Variants in SULT6B1 observed in about 807,000 individuals in gnomAD.
SULT6B1 encodes the protein sulfotransferase family 6B member 1, also known as sulfotransferase 6B1.
In SULT6B1, 44 loss-of-function variants were observed where a neutral mutation model predicts 37.2. The observed-to-expected ratio is 1.18, with a 90% CI of 0.93 to 1.52. The LOEUF (loss-of-function observed/expected upper bound fraction) is 1.52. Among genes scored for constraint, SULT6B1 ranks in the 40% most tolerant of loss-of-function variants. The probability of loss-of-function intolerance (pLI) is 0.00; values close to 1 mark genes in which losing one functional copy is unlikely to be tolerated. For missense variants in SULT6B1, 450 were observed against 361.0 expected, an observed-to-expected ratio of 1.25 and a Z score of -2.00; for synonymous variants, 140 against 126.0, an observed-to-expected ratio of 1.11 and a Z score of -0.74.
intron 6 of SULT6B1, 88 bp from the exon 7 acceptor site, chr2:37,168,153 A>G: frequency 7.8e-7 from 1 of 1,286,940 alleles, no homozygotes; most frequent in South Asian, 1.6e-5. Context: ...TTTCACTCTG[A>G]TATGTTAAAA....
intron 5 of SULT6B1, among the ~76,000 whole-genome samples, chr2:37,174,349 CT>C (rs1159860560): frequency 6.8e-6 from 1 of 147,412 alleles, no homozygotes; most frequent in South Asian, 2.1e-4. Flanking sequence ...ATCCTCCTGT[CT>C]CAGCTTCCTG....
At chr2:37,192,716 AGTT>A (rs953096750), upstream of SULT6B1, among the ~76,000 whole-genome samples, 3 of 152,220 alleles carry the variant, frequency 2.0e-5, no homozygotes, top group African/African-American at 7.2e-5. Flanking sequence ...ATTCAAACAT[AGTT>A]GTTGTTTGCT....
intron 5 of SULT6B1, among the ~76,000 whole-genome samples, chr2:37,173,087 A>G (rs1387826653): frequency 6.6e-6 from 1 of 151,756 alleles, no homozygotes; most frequent in Non-Finnish European, 1.5e-5. Context: ...TCCCGACCTC[A>G]GGTGATCCAC....
chr2:37,194,945 CTT>C, intron 1 of SULT6B1, among the ~76,000 whole-genome samples: 1 of 62,122 alleles, frequency 1.6e-5, no homozygotes, highest in Non-Finnish European at 2.8e-5. Context: ...TCCTTCCTTC[CTT>C]CCTTCCTTCC....
At chr2:37,182,964 C>G (rs912149389) in intron 3 of SULT6B1, among the ~76,000 whole-genome samples, 1 of 152,116 alleles carries the variant, frequency 6.6e-6, no homozygotes, top group Admixed American at 6.5e-5. Flanking sequence ...GCAGAAGGAT[C>G]TCTTGAAGTC....
intron 3 of SULT6B1, 108 bp from the exon 4 acceptor site, chr2:37,179,692 T>C: frequency 1.0e-6 from 1 of 979,584 alleles, no homozygotes. Flanking sequence ...CATAATTGTG[T>C]TAATATATAG....
intron 6 of SULT6B1, among the ~76,000 whole-genome samples, chr2:37,171,155 G>C (rs536448340): frequency 1.3e-4 from 20 of 151,598 alleles, no homozygotes; most frequent in African/African-American, 4.6e-4. Flanking sequence ...CAGGAGAATC[G>C]CTTGAACCCA....
intron 5 of SULT6B1, among the ~76,000 whole-genome samples, chr2:37,174,855 AT>A (rs549071862): frequency 1.5e-4 from 23 of 151,592 alleles, no homozygotes; most frequent in South Asian, 4.2e-4. Flanking sequence ...AGACCTACCT[AT>A]TTTTTTTTAT....
intron 2 of SULT6B1, among the ~76,000 whole-genome samples, chr2:37,186,900 A>G (rs1676685975): frequency 6.6e-6 from 1 of 152,204 alleles, no homozygotes; most frequent in African/African-American, 2.4e-5. Flanking sequence ...CATTTCAAAT[A>G]GAAATCATGG....
At chr2:37,181,678 A>G (rs1676553796) in intron 3 of SULT6B1, among the ~76,000 whole-genome samples, 1 of 152,134 alleles carries the variant, frequency 6.6e-6, no homozygotes, top group African/African-American at 2.4e-5. Context: ...CACTGCATCC[A>G]GCCCCTGTTG....
chr2:37,190,329 T>C (rs572894850), upstream of SULT6B1, among the ~76,000 whole-genome samples: 1 of 152,376 alleles, frequency 6.6e-6, no homozygotes, highest in Admixed American at 6.5e-5. Flanking sequence ...TCACTGTATT[T>C]ACCTTTCTCT....
In SULT6B1 at chr2:37,179,516, G is replaced by A. The variant is rs377078074; in HGVS notation, c.471C>T (p.Pro157=). 1.9e-5 allele frequency: 31 copies of A among 1,613,858 alleles called. No homozygotes were observed. Among genetic ancestry groups the A allele is most frequent in the East Asian group, 8.9e-5 (4 of 44,858 alleles). Residue 157 remains proline, a synonymous_variant, in exon 4 of 7, where the codon CCC becomes CCT. Transcript: ENST00000535679. Reference sequence around the variant, plus strand: ...CCCAAGAGCCATAGCTTGGAATATCGGGGACATCGTTGTGGAAATGCAAAA... The same window carrying A: ...CCCAAGAGCCATAGCTTGGAATATCAGGGACATCGTTGTGGAAATGCAAAA... The part of the protein sequence containing the change: ...VSFLHFHNDV[P]DIPSYGSWDE...
intron 4 of SULT6B1, among the ~76,000 whole-genome samples, chr2:37,178,250 T>G (rs7601827): frequency 0.28 from 43,275 of 151,970 alleles, 6,843 homozygotes; most frequent in Non-Finnish European, 0.35. Context: ...TTTTATTTTA[T>G]TTTTTGAGTT....
At chr2:37,187,597 G>T in intron 1 of SULT6B1, 130 bp from the exon 2 acceptor site, 1 of 486,994 alleles carries the variant, frequency 2.1e-6, no homozygotes, top group Non-Finnish European at 3.6e-6. Context: ...TAGTTCTTCT[G>T]TCTTTGAAAT....
chr2:37,183,437 C>G lies in SULT6B1; in HGVS notation c.390G>C (p.Glu130Asp), dbSNP rs760222223. ...HYDKLPGSIF[E>D]NKAKILVIFR... ...AAAGGACACTCACCTTGGCTTTATT[C>G]TCGAAGATAGACCCAGGTAATTTGT... is the stretch of plus-strand genomic sequence containing the variant. The change falls in exon 3 of 7, where the codon GAG becomes GAC. Residue 130 changes from glutamate (E) to aspartate (D), a missense_variant. Physicochemically the swap from Glu to Asp is conservative, Grantham distance 45. Transcript: ENST00000535679. 1.2e-6 allele frequency: 2 copies of G among 1,613,792 alleles called. No homozygotes were observed. Among genetic ancestry groups the G allele is most frequent in the East Asian group, 4.5e-5 (2 of 44,870 alleles).
chr2:37,191,617 T>A (rs1381387742), upstream of SULT6B1, among the ~76,000 whole-genome samples: 2 of 151,814 alleles, frequency 1.3e-5, no homozygotes, highest in Non-Finnish European at 2.9e-5. Context: ...AACCAAAGAG[T>A]GAGAAGGGCA....
rs759111738 is a variant in SULT6B1, at chr2:37,183,422, C to T, written c.402+3G>A. The T allele has an allele frequency of 8.1e-6, 13 of 1,611,930 alleles. No homozygotes were observed. In the Admixed American group the frequency reaches 1.5e-4, roughly 19 times the overall value. ...AGAATTATCAGTAGGAAAGGACACTCACCTTGGCTTTATTCTCGAAGATAG... is the reference window on the plus strand; with the variant it reads ...AGAATTATCAGTAGGAAAGGACACTTACCTTGGCTTTATTCTCGAAGATAG... On this transcript the variant is annotated splice_donor_region_variant and intron_variant, in intron 3 of 6. Coordinates refer to ENST00000535679, the MANE Select transcript of SULT6B1 (RefSeq NM_001367551.1).
At chr2:37,169,218 G>T (rs4670670) in intron 6 of SULT6B1, among the ~76,000 whole-genome samples, 94,258 of 151,934 alleles carry the variant, frequency 0.62, 30,065 homozygotes, top group East Asian at 0.96. Context: ...CCTACCTCCT[G>T]AAAGCTGATT....
chr2:37,181,690 T>A (rs1161325494), intron 3 of SULT6B1, among the ~76,000 whole-genome samples: 4 of 152,094 alleles, frequency 2.6e-5, no homozygotes, highest in Non-Finnish European at 5.9e-5. Flanking sequence ...CCCCTGTTGC[T>A]CTTTTCTTGC....
Sources: gnomAD v4.1 joint callset for allele counts (sites outside exome capture counted in the v4.1 genomes callset) on GRCh38, gnomAD v4.1.1 for gene constraint, MANE v1.5 for transcripts, NCBI Gene and HGNC (gene_info 2026-07-23, HGNC 2026-07-21) for gene names.